The following PRICKLE2 variants were observed in gnomAD, a reference collection of about 807,000 sequenced individuals.
PRICKLE2 encodes the protein prickle planar cell polarity protein 2.
PRICKLE2 carries 21 observed loss-of-function variants against 81.4 expected under a neutral mutation model. The ratio of observed to expected loss-of-function variants is 0.26; its 90% CI spans 0.18 to 0.37. The LOEUF is 0.37. PRICKLE2 is among the 10% of genes least tolerant of loss of function. The probability of loss-of-function intolerance (pLI) is 1.00; values close to 1 mark genes in which losing one functional copy is unlikely to be tolerated. For synonymous variants in PRICKLE2, 456 were observed against 421.5 expected (o/e 1.08, Z -1.00); for missense variants, 940 against 1,109.0 (o/e 0.85, Z 2.16).
At chr3:64,224,553 A>G (rs1462732) in intron 1 of PRICKLE2, among the ~76,000 whole-genome samples, 2,599 of 152,288 alleles carry the variant, frequency 0.017, 56 homozygotes, top group African/African-American at 0.057. Context: ...ATGTGTTGAA[A>G]TGACTACTGT....
At chr3:64,250,366 C>T (rs1424808467) in intron 2 of PRICKLE2, among the ~76,000 whole-genome samples, 2 of 152,164 alleles carry the variant, frequency 1.3e-5, no homozygotes, top group Non-Finnish European at 2.9e-5. Flanking sequence ...AAAGATGTCT[C>T]CAGACATTAC....
intron 7 of PRICKLE2, among the ~76,000 whole-genome samples, chr3:64,127,105 C>G (rs2077121248): frequency 6.6e-6 from 1 of 152,098 alleles, no homozygotes. Context: ...AGGCAATAAA[C>G]AGAACAAATA....
Position 64,241,970 on chromosome 3 carries a change from C to T in PRICKLE2, c.129-43003G>A, listed in dbSNP as rs923421373. 6.4e-4 allele frequency among the ~76,000 whole-genome samples: 97 copies of T among 152,220 alleles called. 1 individual carries two copies. Among genetic ancestry groups the T allele is most frequent in the Non-Finnish European group, 2.2e-4 (15 of 68,038 alleles). On this transcript the variant is annotated intron_variant, in intron 2 of 8. Transcript: ENST00000295902. ...ACATCAGTCCTCTCATTCTCCACCT[C>T]ATACCCTGCAAATGAGAGATCGTGG... is the stretch of plus-strand genomic sequence containing the variant.
rs1296893212 is a variant in PRICKLE2 at position 64,146,987 on chromosome 3, G to A, written c.1503C>T (p.Pro501=). 5 of 1,614,040 alleles carry A rather than the reference G, an allele frequency of 3.1e-6. No homozygotes were observed. The highest frequency in any genetic ancestry group is 1.7e-6 in the Non-Finnish European group (2 of 1,180,008). ...FSETRGSIQV[P]KYEEEEEEEG... is the part of the protein sequence containing the mutation. ...CCTCTTCCTCTTCCTCCTCATATTT[G>A]GGGACTTGGATGCTGCCTCGGGTCT... The change falls in exon 7 of 8, where the codon CCC becomes CCT. Residue 501 remains proline (P), a synonymous_variant. Transcript: ENST00000638394.
rs137977820 is a variant in PRICKLE2 at position 64,111,376 on chromosome 3, G to A, written c.1661-11451C>T. Among the ~76,000 whole-genome samples, 518 of 152,310 alleles carry A rather than the reference G, an allele frequency of 3.4e-3. 4 individuals carry two copies. The highest frequency in any genetic ancestry group is 0.014 in the Middle Eastern group (4 of 294). ...CTAAGTGGGAAAAGGGAGTTTGGATGATTTGCCCAAGGTCATACAGAAGCT... is the reference window on the plus strand; with the variant it reads ...CTAAGTGGGAAAAGGGAGTTTGGATAATTTGCCCAAGGTCATACAGAAGCT... On this transcript the variant is annotated intron_variant, in intron 7 of 7. Coordinates refer to ENST00000638394, the MANE Select transcript of PRICKLE2 (RefSeq NM_198859.4).
At chr3:64,217,644 T>C (rs2078892849) in intron 1 of PRICKLE2, among the ~76,000 whole-genome samples, 1 of 152,170 alleles carries the variant, frequency 6.6e-6, no homozygotes, top group East Asian at 1.9e-4. Context: ...GGTTAGCATG[T>C]AGTGTAAATC....
chr3:64,193,237 C>T (rs762243599), intron 2 of PRICKLE2, among the ~76,000 whole-genome samples: 7 of 152,180 alleles, frequency 4.6e-5, no homozygotes, highest in Non-Finnish European at 8.8e-5. Context: ...CTCCATGGTG[C>T]TCAATGATGG....
rs752101456 is a variant in PRICKLE2, at chr3:64,170,198, G to C, written c.145-7069C>G. Among the ~76,000 whole-genome samples the C allele has an allele frequency of 2.2e-4, 33 of 152,146 alleles. 1 individual carries two copies. Among genetic ancestry groups the C allele is most frequent in the Non-Finnish European group, 3.8e-4 (26 of 68,020 alleles). ...GCAATTTAGGAAACAACAGTCTAATGCCTAATGCCTAAACAATGTCTCCAT... is the reference window on the plus strand; with the variant it reads ...GCAATTTAGGAAACAACAGTCTAATCCCTAATGCCTAAACAATGTCTCCAT... On this transcript the variant is annotated intron_variant, in intron 2 of 7. Transcript: ENST00000638394.
intron 7 of PRICKLE2, among the ~76,000 whole-genome samples, chr3:64,136,463 T>G (rs1244633083): frequency 6.7e-6 from 1 of 149,620 alleles, no homozygotes; most frequent in Non-Finnish European, 1.5e-5. Flanking sequence ...ACAAGCATCC[T>G]AGATGAACGT....
At chr3:64,237,697 A>G (rs1158423644) in intron 2 of PRICKLE2, among the ~76,000 whole-genome samples, 1 of 152,150 alleles carries the variant, frequency 6.6e-6, no homozygotes, top group African/African-American at 2.4e-5. Flanking sequence ...CCACGCATCC[A>G]GGCTTGAGGG....
upstream of PRICKLE2, among the ~76,000 whole-genome samples, chr3:64,225,932 T>C (rs903492153): frequency 3.3e-5 from 5 of 152,000 alleles, no homozygotes; most frequent in African/African-American, 9.7e-5. Context: ...TTTTCGGGTG[T>C]TGCTTGTTTT....
At chr3:64,263,914 G>A (rs1358987964) in intron 2 of PRICKLE2, among the ~76,000 whole-genome samples, 1 of 152,112 alleles carries the variant, frequency 6.6e-6, no homozygotes, top group African/African-American at 2.4e-5. Flanking sequence ...CCATCACAGT[G>A]GATTGTCTAA....
upstream of PRICKLE2, among the ~76,000 whole-genome samples, chr3:64,229,105 G>GAATA (rs1459640133): frequency 6.6e-6 from 1 of 152,140 alleles, no homozygotes; most frequent in African/African-American, 2.4e-5. Flanking sequence ...TTCCAGGCAG[G>GAATA]AATAAGAACA....
chr3:64,245,387 G>A (rs2079332102), intron 2 of PRICKLE2, among the ~76,000 whole-genome samples: 1 of 152,164 alleles, frequency 6.6e-6, no homozygotes, highest in African/African-American at 2.4e-5. Context: ...CTATCTCAAT[G>A]CTAGTGGCCC....
At chr3:64,204,197 G>C (rs932363869) in intron 1 of PRICKLE2, among the ~76,000 whole-genome samples, 1 of 152,078 alleles carries the variant, frequency 6.6e-6, no homozygotes, top group Non-Finnish European at 1.5e-5. Context: ...GTATGTTAAA[G>C]GCAGCAAGTG....
intron 2 of PRICKLE2, among the ~76,000 whole-genome samples, chr3:64,262,016 T>G (rs704412): frequency 0.83 from 126,444 of 152,104 alleles, 52,919 homozygotes; most frequent in Non-Finnish European, 0.87. Context: ...ATCTTTTCTA[T>G]CATATTTTTT....
intron 7 of PRICKLE2, among the ~76,000 whole-genome samples, chr3:64,139,721 C>T (rs1405196898): frequency 1.3e-5 from 2 of 152,174 alleles, no homozygotes; most frequent in African/African-American, 2.4e-5. Flanking sequence ...CACCATCTGG[C>T]CCTTGCTTTC....
At chr3:64,183,966 T>C (rs1663883872) in intron 2 of PRICKLE2, among the ~76,000 whole-genome samples, 1 of 152,062 alleles carries the variant, frequency 6.6e-6, no homozygotes. Context: ...TATGCGACAA[T>C]GAGCAAGTCA....
chr3:64,267,373 G>T (rs1306238178), intron 2 of PRICKLE2, among the ~76,000 whole-genome samples: 1 of 150,954 alleles, frequency 6.6e-6, no homozygotes, highest in Non-Finnish European at 1.5e-5. Flanking sequence ...GATTTTTAAA[G>T]TTCTGGGAAA....
Sources: gnomAD v4.1 joint callset for allele counts (sites outside exome capture counted in the v4.1 genomes callset) on GRCh38, gnomAD v4.1.1 for gene constraint, MANE v1.5 for transcripts, NCBI Gene and HGNC (gene_info 2026-07-23, HGNC 2026-07-21) for gene names.